The following GRID2 variants were observed in gnomAD, a reference collection of about 807,000 sequenced individuals.
GRID2 encodes the protein glutamate receptor ionotropic, delta-2.
In GRID2, 33 loss-of-function variants were observed where a neutral mutation model predicts 114.8. The ratio of observed to expected loss-of-function variants is 0.29; its 90% CI spans 0.22 to 0.38. The LOEUF is 0.38. Ranked by LOEUF, GRID2 falls within the 10% of genes least tolerant of loss-of-function variation. GRID2 has a pLI of 1.00. For missense variants in GRID2, 1,184 were observed against 1,257.7 expected (o/e 0.94, Z 0.89); for synonymous variants, 505 against 449.9 (o/e 1.12, Z -1.55).
At chr4:92,434,045 G>C (rs986845672) in intron 1 of GRID2, among the ~76,000 whole-genome samples, 1 of 152,112 alleles carries the variant, frequency 6.6e-6, no homozygotes, top group Non-Finnish European at 1.5e-5. Flanking sequence ...CACAATTCAC[G>C]ATGTCCGTAA....
chr4:93,402,109 A>AT (rs1765956527), intron 9 of GRID2, among the ~76,000 whole-genome samples: 1 of 152,204 alleles, frequency 6.6e-6, no homozygotes, highest in African/African-American at 2.4e-5. Context: ...TATATAATTC[A>AT]TTTTTTATTC....
Position 93,249,209 on chromosome 4 carries a change from C to T in GRID2, c.1245+10719C>T, listed in dbSNP as rs187722077. ...TTGTGTGGTGCTATTTCTGAGGCCT[C>T]TGTTCTGTTCAATTGGTCTATATGT... On this transcript the variant is annotated intron_variant, in intron 8 of 15. Coordinates refer to ENST00000282020, the MANE Select transcript of GRID2 (RefSeq NM_001510.4). Among the ~76,000 whole-genome samples, 323 of 152,220 alleles carry T rather than the reference C, an allele frequency of 2.1e-3. 2 individuals carry two copies. Among genetic ancestry groups the T allele is most frequent in the African/African-American group, 7.6e-3 (314 of 41,530 alleles).
At chr4:93,264,975 G>C (rs1353085566) in intron 8 of GRID2, among the ~76,000 whole-genome samples, 1 of 151,424 alleles carries the variant, frequency 6.6e-6, no homozygotes, top group African/African-American at 2.4e-5. Flanking sequence ...TAGAGACGGG[G>C]TTTCACCATT....
Position 93,224,706 on chromosome 4 carries a change from T to C in GRID2, c.1056T>C (p.Ser352=). 1 of 1,611,694 alleles carries C rather than the reference T, an allele frequency of 6.2e-7. No homozygotes were observed. The highest frequency in any genetic ancestry group is 8.5e-7 in the Non-Finnish European group (1 of 1,178,058). ...LEDRKWHSMA[S]LSCIRKNSKP... ...ACCGAAAGTGGCACAGCATGGCAAG[T>C]CTGTCATGTATCAGAAAGAACTCAA... The change falls in exon 7 of 16, where the codon AGT becomes AGC. Residue 352 remains serine (S), a synonymous_variant. Coordinates refer to ENST00000282020, the MANE Select transcript of GRID2 (RefSeq NM_001510.4).
intron 2 of GRID2, among the ~76,000 whole-genome samples, chr4:92,877,301 T>G (rs1745700659): frequency 1.3e-5 from 2 of 152,220 alleles, no homozygotes; most frequent in South Asian, 4.1e-4. Context: ...GGCAAGGATT[T>G]TCTATTTAAA....
At chr4:93,239,062 A>G (rs1747151095) in intron 8 of GRID2, among the ~76,000 whole-genome samples, 1 of 150,148 alleles carries the variant, frequency 6.7e-6, no homozygotes, top group African/African-American at 2.4e-5. Flanking sequence ...TCTCAAGGAG[A>G]AATACAAACG....
At chr4:92,594,773 C>A (rs1237839753) in intron 2 of GRID2, among the ~76,000 whole-genome samples, 1 of 151,814 alleles carries the variant, frequency 6.6e-6, no homozygotes, top group Non-Finnish European at 1.5e-5. Flanking sequence ...TAAATTTTTT[C>A]TTCTGTGGCA....
chr4:93,648,550 A>G (rs1222460334), intron 14 of GRID2, among the ~76,000 whole-genome samples: 1 of 152,202 alleles, frequency 6.6e-6, no homozygotes, highest in Non-Finnish European at 1.5e-5. Flanking sequence ...AACAGCTGCT[A>G]TAGACCGCTT....
chr4:93,335,283 T>C (rs2149236945), intron 8 of GRID2, among the ~76,000 whole-genome samples: 1 of 152,314 alleles, frequency 6.6e-6, no homozygotes, highest in South Asian at 2.1e-4. Flanking sequence ...AACAGGAAGA[T>C]GGACTTTTGC....
chr4:93,582,819 C>G (rs1404015092), intron 13 of GRID2, among the ~76,000 whole-genome samples: 1 of 151,886 alleles, frequency 6.6e-6, no homozygotes, highest in African/African-American at 2.4e-5. Context: ...AGAACAAAGC[C>G]CCTTCAATAG....
intron 13 of GRID2, among the ~76,000 whole-genome samples, chr4:93,608,524 A>G (rs1740568503): frequency 2.1e-5 from 3 of 144,710 alleles, no homozygotes; most frequent in Non-Finnish European, 4.6e-5. Flanking sequence ...ATGTGATCTC[A>G]TTGTTAAATT....
intron 10 of GRID2, among the ~76,000 whole-genome samples, chr4:93,434,797 T>C (rs1720910751): frequency 6.6e-6 from 1 of 152,166 alleles, no homozygotes; most frequent in Non-Finnish European, 1.5e-5. Flanking sequence ...TAAAATTGTC[T>C]ACATAATCTG....
At chr4:93,723,665 C>A (rs1219964209) in intron 14 of GRID2, among the ~76,000 whole-genome samples, 1 of 152,104 alleles carries the variant, frequency 6.6e-6, no homozygotes, top group Non-Finnish European at 1.5e-5. Flanking sequence ...ATAAAGATAC[C>A]ATCAATATGT....
At chr4:92,553,185 C>T (rs115871969) in intron 1 of GRID2, among the ~76,000 whole-genome samples, 3,542 of 152,272 alleles carry the variant, frequency 0.023, 121 homozygotes, top group African/African-American at 0.072. Flanking sequence ...AGCTTAATAT[C>T]TAAGACGGAC....
intron 2 of GRID2, among the ~76,000 whole-genome samples, chr4:92,709,831 G>C (rs1735151505): frequency 6.6e-6 from 1 of 151,688 alleles, no homozygotes; most frequent in African/African-American, 2.4e-5. Flanking sequence ...TTCAGAGTTG[G>C]ATCAAGACTA....
chr4:92,306,123 C>T (rs1485468974), intron 1 of GRID2, among the ~76,000 whole-genome samples: 1 of 152,248 alleles, frequency 6.6e-6, no homozygotes, highest in East Asian at 1.9e-4. Flanking sequence ...GTCTAGCGTG[C>T]GCGCCCACAG....
chr4:93,477,697 T>C (rs1432472269), intron 11 of GRID2, among the ~76,000 whole-genome samples: 2 of 152,142 alleles, frequency 1.3e-5, no homozygotes, highest in Admixed American at 1.3e-4. Flanking sequence ...ATAAAGTTCT[T>C]GTATAACAAG....
intron 1 of GRID2, among the ~76,000 whole-genome samples, chr4:93,803,810 CT>C (rs1734981469): frequency 6.6e-6 from 1 of 152,106 alleles, no homozygotes; most frequent in African/African-American, 2.4e-5. Flanking sequence ...AATTGCTTAC[CT>C]TTTTCTGATT....
rs143577712 is a variant in GRID2 at position 92,784,867 on chromosome 4, C to A, written c.244+194581C>A. ...CAAGCGTGGCAGTAAAGATTTTGAT[C>A]CAGTGGTCTGAGCTGTGTCATCTTT... On this transcript the variant is annotated intron_variant, in intron 2 of 15. Coordinates refer to ENST00000282020, the MANE Select transcript of GRID2 (RefSeq NM_001510.4). Among the ~76,000 whole-genome samples the A allele has an allele frequency of 3.3e-3, 494 of 151,806 alleles. 3 individuals are homozygous for A. Among genetic ancestry groups the A allele is most frequent in the African/African-American group, 0.01 (424 of 41,476 alleles).
Sources: gnomAD v4.1 joint callset for allele counts (sites outside exome capture counted in the v4.1 genomes callset) on GRCh38, gnomAD v4.1.1 for gene constraint, MANE v1.5 for transcripts, NCBI Gene and HGNC (gene_info 2026-07-23, HGNC 2026-07-21) for gene names.